Variants in NLRP8 observed in about 807,000 individuals in gnomAD.
The protein encoded by NLRP8 is NACHT, LRR and PYD domains-containing protein 8.
In NLRP8, 86 loss-of-function variants were observed where a neutral mutation model predicts 88.7. The ratio of observed to expected loss-of-function variants is 0.97; its 90% CI spans 0.81 to 1.16. NLRP8 has a LOEUF of 1.16. NLRP8 is among the 50% of genes most tolerant of loss of function. The pLI is 0.00. For synonymous variants in NLRP8, 504 were observed against 494.6 expected (o/e 1.02, Z -0.25); for missense variants, 1,342 against 1,286.5 (o/e 1.04, Z -0.66).
At chr19:55,951,152 A>G (rs760887916) in intron 1 of NLRP8, among the ~76,000 whole-genome samples, 68 of 152,200 alleles carry the variant, frequency 4.5e-4, no homozygotes, top group Non-Finnish European at 9.4e-4. Flanking sequence ...CATGTTCCTC[A>G]GGGCAAGAAG....
chr19:55,982,264 A>G (rs1980606441), intron 9 of NLRP8, among the ~76,000 whole-genome samples: 1 of 152,086 alleles, frequency 6.6e-6, no homozygotes, highest in Non-Finnish European at 1.5e-5. Flanking sequence ...GGGGTCTTCA[A>G]CCTCCACCCT....
chr19:55,970,895 A>T (rs1024222930), intron 6 of NLRP8, among the ~76,000 whole-genome samples, 199 bp downstream of exon 6: 8 of 152,166 alleles, frequency 5.3e-5, no homozygotes, highest in Non-Finnish European at 1.0e-4. Context: ...TATCTACATA[A>T]AAGTACGGAT....
At chr19:55,966,422 C>T (rs760867124) in intron 5 of NLRP8, 42 bp downstream of exon 5, 19 of 1,593,688 alleles carry the variant, frequency 1.2e-5, no homozygotes, top group South Asian at 6.7e-5. Flanking sequence ...CCGGGGTACC[C>T]GGATGGTCTT....
In NLRP8 at chr19:55,954,994, G is replaced by A. The variant is rs1979270701; in HGVS notation, c.936G>A (p.Gly312=). The A allele has an allele frequency of 6.2e-7, 1 of 1,614,102 alleles. No homozygotes were observed. Among genetic ancestry groups the A allele is most frequent in the Non-Finnish European group, 8.5e-7 (1 of 1,180,034 alleles). Reference sequence around the variant, plus strand: ...AAGACTGGAGGCAGAAATTGCCTGGGTCTGTCCTACTGAGCAGTTTGCTGA... The same window carrying A: ...AAGACTGGAGGCAGAAATTGCCTGGATCTGTCCTACTGAGCAGTTTGCTGA... The change falls in exon 3 of 10, where the codon GGG becomes GGA. Residue 312 remains glycine (G), a synonymous_variant. Coordinates refer to ENST00000291971, the MANE Select transcript of NLRP8 (RefSeq NM_176811.2).
At chr19:55,974,258 C>T (rs78065870) in intron 7 of NLRP8, among the ~76,000 whole-genome samples, 1,674 of 152,190 alleles carry the variant, frequency 0.011, 34 homozygotes, top group African/African-American at 0.034. Flanking sequence ...CAGAGCTACA[C>T]TCTCTTATAG....
chr19:55,983,155 C>T (rs1223183661), intron 9 of NLRP8, among the ~76,000 whole-genome samples: 1 of 151,840 alleles, frequency 6.6e-6, no homozygotes, highest in East Asian at 1.9e-4. Flanking sequence ...AGGGCAATTG[C>T]AAAAGAAAAA....
chr19:55,985,883 G>A (rs1020717416), intron 9 of NLRP8, among the ~76,000 whole-genome samples: 2 of 152,050 alleles, frequency 1.3e-5, no homozygotes, highest in African/African-American at 2.4e-5. Context: ...GGGCATGGTG[G>A]TACACACCTG....
At chr19:55,977,525 T>C (rs939674277) in intron 8 of NLRP8, among the ~76,000 whole-genome samples, 1 of 145,934 alleles carries the variant, frequency 6.9e-6, no homozygotes, top group Non-Finnish European at 1.5e-5. Flanking sequence ...TATATTTATA[T>C]ATAATATTAA....
rs1270414501 is a variant in NLRP8, at chr19:55,965,813, A to AC, written c.2214-393dup. Among the ~76,000 whole-genome samples, 12 of 40,266 alleles carry AC rather than the reference A, an allele frequency of 3.0e-4. No individual in the cohort carries two copies. In the South Asian group the frequency reaches 7.1e-3, roughly 24 times the overall value. The allele number at this position is 40,266 out of a possible 152,430, so 26.4% of individuals were successfully genotyped here. On this transcript the variant is annotated intron_variant, in intron 4 of 9. Coordinates refer to ENST00000291971, the MANE Select transcript of NLRP8 (RefSeq NM_176811.2). The stretch of plus-strand genomic sequence containing the variant: ...AATGCTATCCCTCCCCTAGCCCCCC[A>AC]CCCCCCCAGAGGCCCCGGTATGTGA...
At chr19:55,983,762 A>G (rs1980676859) in intron 9 of NLRP8, among the ~76,000 whole-genome samples, 1 of 151,070 alleles carries the variant, frequency 6.6e-6, no homozygotes, top group Non-Finnish European at 1.5e-5. Flanking sequence ...TGACAGAACA[A>G]GAACACAAAG....
intron 2 of NLRP8, 149 bp from the exon 3 acceptor site, chr19:55,954,352 C>A: frequency 1.3e-6 from 1 of 784,574 alleles, no homozygotes; most frequent in Non-Finnish European, 2.0e-6. Flanking sequence ...TCCTAGTTGA[C>A]ACAGCAGTAT....
chr19:55,973,602 G>T lies in NLRP8; in HGVS notation c.2535-50G>T, dbSNP rs115012618. On this transcript the variant is annotated intron_variant, in intron 6 of 9. Coordinates refer to ENST00000291971, the MANE Select transcript of NLRP8 (RefSeq NM_176811.2). ...GACTGAGAAGATCACCCTTCTGTGT[G>T]AGACAAAGACCCCTCTCCATTCAGT... is the stretch of plus-strand genomic sequence containing the variant. The T allele has an allele frequency of 1.0e-3, 1,523 of 1,504,444 alleles. 10 individuals are homozygous for T. The African/African-American group carries it at 0.018, about 18-fold the overall frequency. 93.2% of individuals were successfully genotyped at this position (1,504,444 alleles called of 1,614,324 possible).
rs770004486 is a variant in NLRP8 at position 55,956,111 on chromosome 19, C to T, written c.2042+11C>T. 4.2e-5 allele frequency: 68 copies of T among 1,604,828 alleles called. 1 individual carries two copies. The Middle Eastern group carries it at 2.3e-3, about 55-fold the overall frequency. Reference sequence around the variant, plus strand: ...CCATCCTGGCTCTGAGTAAGTGCTTCGGTCCCTCCTTGGGTAGCCCGTCCT... The same window carrying T: ...CCATCCTGGCTCTGAGTAAGTGCTTTGGTCCCTCCTTGGGTAGCCCGTCCT... On this transcript the variant is annotated intron_variant, in intron 3 of 9. Coordinates refer to ENST00000291971, the MANE Select transcript of NLRP8 (RefSeq NM_176811.2).
chr19:55,973,939 C>CACTTA, intron 7 of NLRP8, 117 bp downstream of exon 7: 1 of 1,012,064 alleles, frequency 9.9e-7, no homozygotes, highest in Non-Finnish European at 1.4e-6. Flanking sequence ...GCGTGTTAGG[C>CACTTA]ATGGTGCTAG....
intron 5 of NLRP8, among the ~76,000 whole-genome samples, chr19:55,968,637 G>T (rs571790980): frequency 6.6e-6 from 1 of 151,788 alleles, no homozygotes; most frequent in South Asian, 2.1e-4. Flanking sequence ...CTACTCAGGA[G>T]GCTAAGGCAG....
At chr19:55,962,363 A>C (rs1979653246) in intron 4 of NLRP8, 126 bp downstream of exon 4, 9 of 1,009,272 alleles carry the variant, frequency 8.9e-6, no homozygotes, top group Middle Eastern at 3.2e-4. Flanking sequence ...CCTTGGACGG[A>C]GGTGCAGGAG....
At chr19:55,965,829 C>T (rs1028937044) in intron 4 of NLRP8, among the ~76,000 whole-genome samples, 11 of 147,938 alleles carry the variant, frequency 7.4e-5, no homozygotes, top group Non-Finnish European at 1.2e-4. Flanking sequence ...CCAGAGGCCC[C>T]GGTATGTGAT....
At chr19:55,986,915 C>T (rs1437874722) in intron 9 of NLRP8, among the ~76,000 whole-genome samples, 2 of 152,186 alleles carry the variant, frequency 1.3e-5, no homozygotes, top group African/African-American at 4.8e-5. Context: ...GGTGCCCCCA[C>T]CCTCTCCCTT....
chr19:55,955,261 G>A lies in NLRP8; in HGVS notation c.1203G>A (p.Met401Ile), dbSNP rs918348484. The A allele has an allele frequency of 6.2e-7, 1 of 1,614,154 alleles. No individual in the cohort carries two copies. Among genetic ancestry groups the A allele is most frequent in the Non-Finnish European group, 8.5e-7 (1 of 1,180,048 alleles). The change falls in exon 3 of 10, where the codon ATG becomes ATA. Residue 401 changes from methionine to isoleucine, a missense_variant. By Grantham distance (10) the Met-to-Ile change is conservative. Transcript: ENST00000291971. ...GCCGGGTCCCTGTGGTTTGCTGGAT[G>A]GTCTGCTCTGGTCTGAAACAGCAAA...
Sources: gnomAD v4.1 joint callset for allele counts (sites outside exome capture counted in the v4.1 genomes callset) on GRCh38, gnomAD v4.1.1 for gene constraint, MANE v1.5 for transcripts, NCBI Gene and HGNC (gene_info 2026-07-23, HGNC 2026-07-21) for gene names.